Variants in LPGAT1 observed in about 807,000 individuals in gnomAD.
LPGAT1 encodes acyl-CoA:lysophosphatidylglycerol acyltransferase 1.
A neutral mutation model predicts 47.5 loss-of-function variants in LPGAT1; 11 were observed. The observed-to-expected ratio is 0.23, with a 90% CI of 0.15 to 0.38. LPGAT1 has a LOEUF of 0.38. Among genes scored for constraint, LPGAT1 ranks in the 10% least tolerant of loss-of-function variants. The pLI, the probability that LPGAT1 is intolerant of heterozygous loss-of-function variation, is 1.00. For missense variants in LPGAT1, 293 were observed against 439.0 expected (o/e 0.67, Z 2.97); for synonymous variants, 138 against 144.2 (o/e 0.96, Z 0.31).
At chr1:211,806,720 C>A (rs1161886213) in intron 2 of LPGAT1, among the ~76,000 whole-genome samples, 2 of 152,074 alleles carry the variant, frequency 1.3e-5, no homozygotes, top group Non-Finnish European at 2.9e-5. Flanking sequence ...TGAATTGACG[C>A]AGAAAAAGCA....
intron 6 of LPGAT1, among the ~76,000 whole-genome samples, chr1:211,761,245 T>C (rs970427827): frequency 2.6e-5 from 4 of 152,190 alleles, no homozygotes; most frequent in Admixed American, 2.0e-4. Flanking sequence ...CCCAAGCAAA[T>C]GTCTGCCAAT....
intron 2 of LPGAT1, among the ~76,000 whole-genome samples, chr1:211,822,534 T>C (rs781228435): frequency 2.0e-5 from 3 of 152,128 alleles, no homozygotes; most frequent in Non-Finnish European, 4.4e-5. Context: ...CTGAGCACTT[T>C]GGGAGGCTGA....
intron 2 of LPGAT1, among the ~76,000 whole-genome samples, chr1:211,799,506 C>G (rs1659481936): frequency 6.6e-6 from 1 of 152,128 alleles, no homozygotes; most frequent in African/African-American, 2.4e-5. Context: ...TTCAAAACCA[C>G]AATATCATAT....
intron 2 of LPGAT1, among the ~76,000 whole-genome samples, chr1:211,817,428 C>T (rs1385491063): frequency 3.3e-5 from 5 of 151,924 alleles, no homozygotes; most frequent in African/African-American, 7.3e-5. Context: ...AAAAATTAGC[C>T]GGGCATGTGG....
chr1:211,754,397 G>A (rs968204687), intron 6 of LPGAT1, among the ~76,000 whole-genome samples: 1 of 152,120 alleles, frequency 6.6e-6, no homozygotes, highest in Non-Finnish European at 1.5e-5. Flanking sequence ...TTTACTGCTC[G>A]TTCTTTTTTC....
At chr1:211,762,348 G>A (rs1026291225) in intron 6 of LPGAT1, among the ~76,000 whole-genome samples, 3 of 152,228 alleles carry the variant, frequency 2.0e-5, no homozygotes, top group Admixed American at 6.5e-5. Flanking sequence ...TGAACACGGG[G>A]ACGGGGCTAT....
In LPGAT1 at chr1:211,746,362, C is replaced by G. The variant is rs958280341; in HGVS notation, c.*3537G>C. ...TGATTATTCAGGGATGCTTTTCTAA[C>G]CCATAGATTATTCAGGCTTCTGTAT... On this transcript the variant is annotated 3_prime_UTR_variant, in exon 8 of 8. Coordinates refer to ENST00000366997, the MANE Select transcript of LPGAT1 (RefSeq NM_014873.3). The G allele has an allele frequency of 6.6e-6, 1 of 152,402 alleles. No individual in the cohort carries two copies. The highest frequency in any genetic ancestry group is 6.5e-5 in the Admixed American group (1 of 15,278). The allele number at this position is 152,402 out of a possible 1,614,324, so 9.4% of individuals were successfully genotyped here. A position where few individuals can be genotyped will look rare whatever the true frequency, so the allele number is the denominator to read the frequency against.
At chr1:211,750,802 T>A (rs1657145210) in intron 7 of LPGAT1, among the ~76,000 whole-genome samples, 159 bp downstream of exon 7, 1 of 152,208 alleles carries the variant, frequency 6.6e-6, no homozygotes, top group South Asian at 2.1e-4. Context: ...TTGCTGATAA[T>A]CCCCAGGGTA....
chr1:211,829,270 C>G lies in LPGAT1; in HGVS notation c.27G>C (p.Pro9=). The change falls in exon 2 of 8, where the codon CCG becomes CCC. Residue 9 remains proline (P), a synonymous_variant. Coordinates refer to ENST00000366997, the MANE Select transcript of LPGAT1 (RefSeq NM_014873.3). ...CTTTCACCAAGAGCCAGCCCAGCCA[C>G]GGAGCTTCTTCCAAAGTTATAGCCA... MAITLEEA[P]WLGWLLVKAL... 1 of 1,614,216 alleles carries G rather than the reference C, an allele frequency of 6.2e-7. No homozygotes were observed. The highest frequency in any genetic ancestry group is 1.6e-4 in the Middle Eastern group (1 of 6,062).
chr1:211,827,969 G>A (rs1421782211), intron 2 of LPGAT1, among the ~76,000 whole-genome samples: 2 of 152,212 alleles, frequency 1.3e-5, no homozygotes, highest in African/African-American at 2.4e-5. Context: ...GCAAGGGTCT[G>A]TCAGACTCCA....
At position 211,819,078 on chromosome 1, in the gene LPGAT1, AC is replaced by A. The variant is rs1470512772; in HGVS notation, c.238+9980del. 8.5e-5 allele frequency among the ~76,000 whole-genome samples: 13 copies of A among 152,352 alleles called. No individual in the cohort carries two copies. The East Asian group carries it at 2.3e-3, about 27-fold the overall frequency. Reference sequence around the variant, plus strand: ...TAGTTAAACAAAAATCTTGTGTTGTACTTTTTGGTATGGACATAGCAGCATT... The same window carrying A: ...TAGTTAAACAAAAATCTTGTGTTGTATTTTTGGTATGGACATAGCAGCATT... On this transcript the variant is annotated intron_variant, in intron 2 of 7. Transcript: ENST00000366997.
At position 211,747,089 on chromosome 1, in the gene LPGAT1, C is replaced by T. The variant is rs1656975609; in HGVS notation, c.*2810G>A. On this transcript the variant is annotated 3_prime_UTR_variant, in exon 8 of 8. Transcript: ENST00000366997. ...CTTGACAAAATATATATACTTTAAA[C>T]GTCCTTTCATCTCCCTTCACAAAGT... 2 of 152,282 alleles carry T rather than the reference C, an allele frequency of 1.3e-5. No homozygotes were observed. Among genetic ancestry groups the T allele is most frequent in the Middle Eastern group, 3.4e-3 (1 of 294 alleles). The allele number at this position is 152,282 out of a possible 1,614,324, so 9.4% of individuals were successfully genotyped here.
At position 211,829,459 on chromosome 1, in the gene LPGAT1, C is replaced by T. The variant is rs925044767; in HGVS notation, c.-27-136G>A. The T allele has an allele frequency of 6.2e-6, 9 of 1,447,438 alleles. No homozygotes were observed. In the African/African-American group the frequency reaches 1.3e-4, roughly 21 times the overall value. The allele number at this position is 1,447,438 out of a possible 1,614,324, so 89.7% of individuals were successfully genotyped here. On this transcript the variant is annotated intron_variant, in intron 1 of 7. Transcript: ENST00000366997. ...TTTCCGGGTGTAGTACCTCGGTGAT[C>T]TCTCAGGGGAAATTCCAGAGGGGGA...
chr1:211,826,872 A>G (rs2102612838), intron 2 of LPGAT1, among the ~76,000 whole-genome samples: 1 of 152,304 alleles, frequency 6.6e-6, no homozygotes. Flanking sequence ...GGGCATAGGG[A>G]AAAAAGAACT....
In LPGAT1 at chr1:211,748,926, G is replaced by A. The variant is rs1364980111; in HGVS notation, c.*973C>T. On this transcript the variant is annotated 3_prime_UTR_variant, in exon 8 of 8. Transcript: ENST00000366997. ...AAACTGATCATTTAAATGTTCTATA[G>A]TAATTTGTTTTAACCATCCCCAAAT... 1 of 152,230 alleles carries A rather than the reference G, an allele frequency of 6.6e-6. No homozygotes were observed. Among genetic ancestry groups the A allele is most frequent in the East Asian group, 1.9e-4 (1 of 5,198 alleles). The allele number at this position is 152,230 out of a possible 1,614,324, so 9.4% of individuals were successfully genotyped here. A position where few individuals can be genotyped will look rare whatever the true frequency, so the allele number is the denominator to read the frequency against.
chr1:211,809,411 G>A (rs147444832), intron 2 of LPGAT1, among the ~76,000 whole-genome samples: 104 of 152,230 alleles, frequency 6.8e-4, no homozygotes, highest in African/African-American at 2.4e-3. Flanking sequence ...AGATTCAAAT[G>A]TAAATCAAAG....
chr1:211,821,427 A>G (rs1246600414), intron 2 of LPGAT1, among the ~76,000 whole-genome samples: 1 of 152,234 alleles, frequency 6.6e-6, no homozygotes, highest in African/African-American at 2.4e-5. Context: ...ACATTTAACT[A>G]AAGAATTAAG....
chr1:211,769,472 C>A (rs920551330), intron 6 of LPGAT1, among the ~76,000 whole-genome samples: 4 of 152,020 alleles, frequency 2.6e-5, no homozygotes, highest in African/African-American at 9.7e-5. Flanking sequence ...CCTGATCCAG[C>A]CCGCAAGAGA....
intron 6 of LPGAT1, among the ~76,000 whole-genome samples, chr1:211,752,002 T>C (rs1031877820): frequency 2.0e-5 from 3 of 152,182 alleles, no homozygotes; most frequent in Non-Finnish European, 4.4e-5. Flanking sequence ...CCTATTCCCA[T>C]AACATATGCA....
Sources: allele counts gnomAD v4.1 joint callset (sites outside exome capture counted in the v4.1 genomes callset), GRCh38; gene constraint gnomAD v4.1.1; transcripts MANE v1.5; gene names NCBI Gene and HGNC (gene_info 2026-07-23, HGNC 2026-07-21).